Variants in NDUFAF6 observed in about 807,000 individuals in gnomAD.
NDUFAF6 encodes NADH:ubiquinone oxidoreductase complex assembly factor 6.
NDUFAF6 carries 45 observed loss-of-function variants against 40.8 expected under a neutral mutation model. That is an observed-to-expected ratio of 1.10 (90% CI 0.87 to 1.42). NDUFAF6 has a LOEUF of 1.42. Among genes scored for constraint, NDUFAF6 ranks in the 40% most tolerant of loss-of-function variants. The pLI is 0.00. For synonymous variants in NDUFAF6, 185 were observed against 155.9 expected, an observed-to-expected ratio of 1.19 and a Z score of -1.39; for missense variants, 435 against 418.5, an observed-to-expected ratio of 1.04 and a Z score of -0.34.
downstream of NDUFAF6, among the ~76,000 whole-genome samples, chr8:95,077,202 C>T (rs925949348): frequency 7.9e-5 from 12 of 152,172 alleles, no homozygotes; most frequent in African/African-American, 2.7e-4. Context: ...GTTTAGACTA[C>T]CCAGCCTGTG....
At chr8:94,901,674 C>T (rs770805502) in intron 1 of NDUFAF6, among the ~76,000 whole-genome samples, 13 of 152,140 alleles carry the variant, frequency 8.5e-5, no homozygotes, top group South Asian at 2.1e-4. Context: ...CTCCACCTCC[C>T]AGGTTCAAGT....
chr8:95,087,062 T>G (rs532663613), intron 2 of NDUFAF6, among the ~76,000 whole-genome samples: 12 of 151,954 alleles, frequency 7.9e-5, no homozygotes, highest in Non-Finnish European at 1.6e-4. Flanking sequence ...AATACAACTT[T>G]TCTTTTGCCT....
At position 95,058,327 on chromosome 8, in the gene NDUFAF6, T is replaced by G. The variant is rs1832441177; in HGVS notation, c.*390T>G. 7.9e-6 allele frequency: 10 copies of G among 1,261,746 alleles called. No individual in the cohort carries two copies. The highest frequency in any genetic ancestry group is 9.9e-6 in the Non-Finnish European group (10 of 1,005,870). 78.2% of individuals were successfully genotyped at this position (1,261,746 alleles called of 1,614,324 possible). A position where few individuals can be genotyped will look rare whatever the true frequency, so the allele number is the denominator to read the frequency against. ...GCTCAAGTTATCATAGGGGCTTACA[T>G]GCTGAGCAGCTATAACCTAGGTGTT... is the stretch of plus-strand genomic sequence containing the variant. On this transcript the variant is annotated 3_prime_UTR_variant, in exon 9 of 9. Coordinates refer to ENST00000396124, the MANE Select transcript of NDUFAF6 (RefSeq NM_152416.4).
chr8:94,908,766 C>A (rs1180562279), intron 1 of NDUFAF6, among the ~76,000 whole-genome samples: 2 of 152,112 alleles, frequency 1.3e-5, no homozygotes, highest in Non-Finnish European at 2.9e-5. Flanking sequence ...GTTTATTTTG[C>A]CAGATTTATA....
chr8:95,057,431 C>CG (rs1832321580), intron 8 of NDUFAF6, among the ~76,000 whole-genome samples: 2 of 152,044 alleles, frequency 1.3e-5, no homozygotes, highest in South Asian at 2.1e-4. Context: ...CCTCATGGTA[C>CG]ACTACATTTG....
intron 1 of NDUFAF6, among the ~76,000 whole-genome samples, chr8:94,907,064 C>G (rs1290198802): frequency 6.6e-6 from 1 of 152,206 alleles, no homozygotes; most frequent in African/African-American, 2.4e-5. Context: ...ATGAAGCTTT[C>G]CTGGCAAGTG....
At chr8:94,927,392 T>C (rs983843426) in intron 1 of NDUFAF6, 4 of 152,234 alleles carry the variant, frequency 2.6e-5, no homozygotes, top group African/African-American at 4.8e-5. Context: ...GCTCAAGTTT[T>C]AAATAAACTG....
chr8:95,108,960 A>G (rs990894064), intron 4 of NDUFAF6, among the ~76,000 whole-genome samples: 2 of 152,224 alleles, frequency 1.3e-5, no homozygotes, highest in Non-Finnish European at 2.9e-5. Context: ...AATAGAGTGG[A>G]TGTAGCAACA....
At chr8:95,080,588 A>G (rs1201626666), downstream of NDUFAF6, among the ~76,000 whole-genome samples, 1 of 137,594 alleles carries the variant, frequency 7.3e-6, no homozygotes, top group Non-Finnish European at 1.6e-5. Flanking sequence ...GTATTTTTGT[A>G]GTGATTTTCG....
intron 1 of NDUFAF6, among the ~76,000 whole-genome samples, chr8:94,923,817 C>G (rs1819665857): frequency 6.8e-6 from 1 of 147,936 alleles, no homozygotes; most frequent in African/African-American, 2.5e-5. Flanking sequence ...GTGGCTGGGA[C>G]TACAGGTGCC....
intron 3 of NDUFAF6, among the ~76,000 whole-genome samples, chr8:95,038,329 T>C (rs7812465): frequency 0.42 from 63,384 of 152,052 alleles, 13,824 homozygotes; most frequent in East Asian, 0.69. Flanking sequence ...TTGTAAGTTA[T>C]ATACATCATA....
chr8:95,106,112 A>G (rs1809835930), downstream of NDUFAF6, among the ~76,000 whole-genome samples: 1 of 152,002 alleles, frequency 6.6e-6, no homozygotes, highest in Non-Finnish European at 1.5e-5. Context: ...CATCTCTACT[A>G]AAAATACAAA....
intron 1 of NDUFAF6, among the ~76,000 whole-genome samples, chr8:94,922,754 C>A (rs1819591857): frequency 6.6e-6 from 1 of 152,214 alleles, no homozygotes. Context: ...GCTGGGACTA[C>A]AGGCATGTGC....
intron 1 of NDUFAF6, among the ~76,000 whole-genome samples, chr8:94,912,663 A>G (rs961031596): frequency 6.6e-6 from 1 of 152,046 alleles, no homozygotes; most frequent in African/African-American, 2.4e-5. Context: ...AATACAAAAA[A>G]TTAGCTGGGC....
intron 2 of NDUFAF6, among the ~76,000 whole-genome samples, chr8:94,981,287 A>G (rs1825423765): frequency 6.6e-6 from 1 of 152,242 alleles, no homozygotes. Flanking sequence ...TTTCTGCCAC[A>G]GTATAATGTG....
intron 1 of NDUFAF6, among the ~76,000 whole-genome samples, chr8:94,909,348 CAAAAAAAAAAAAAAAAAAA>C (rs556065794): frequency 0.69 from 63,802 of 92,680 alleles, 20,049 homozygotes; most frequent in Middle Eastern, 0.86. Flanking sequence ...GACTCCGTCT[CAAAAAAAAAAAAAAAAAAA>C]AAAAAAAAAA....
intron 1 of NDUFAF6, among the ~76,000 whole-genome samples, chr8:94,931,087 T>G (rs1284805288): frequency 6.6e-6 from 1 of 152,238 alleles, no homozygotes; most frequent in Admixed American, 6.5e-5. Flanking sequence ...CCAATTCTTT[T>G]GCAAATATAT....
At chr8:95,081,034 C>G (rs1023560021), downstream of NDUFAF6, among the ~76,000 whole-genome samples, 1 of 151,940 alleles carries the variant, frequency 6.6e-6, no homozygotes, top group South Asian at 2.1e-4. Flanking sequence ...AAATACTGAG[C>G]CTGCATGTTG....
Position 95,000,602 on chromosome 8 carries a change from A to T in NDUFAF6, c.-84+19629A>T, listed in dbSNP as rs894501474. On this transcript the variant is annotated intron_variant, in intron 2 of 9. Coordinates refer to the NDUFAF6 transcript ENST00000396111. Reference sequence around the variant, plus strand: ...AAATATGCTTATTGTAAAAAAATTCAAACTATATAAAAAAGTATAACATAG... The same window carrying T: ...AAATATGCTTATTGTAAAAAAATTCTAACTATATAAAAAAGTATAACATAG... Among the ~76,000 whole-genome samples, 27 of 152,098 alleles carry T rather than the reference A, an allele frequency of 1.8e-4. No homozygotes were observed. The South Asian group carries it at 2.5e-3, about 14-fold the overall frequency.
Sources: allele counts gnomAD v4.1 joint callset (sites outside exome capture counted in the v4.1 genomes callset), GRCh38; gene constraint gnomAD v4.1.1; transcripts MANE v1.5; gene names NCBI Gene and HGNC (gene_info 2026-07-23, HGNC 2026-07-21).